The following BLK variants were observed in gnomAD, a reference collection of about 807,000 sequenced individuals.
BLK encodes the protein tyrosine-protein kinase Blk.
BLK carries 64 observed loss-of-function variants against 61.8 expected under a neutral mutation model. The ratio of observed to expected loss-of-function variants is 1.03; its 90% CI spans 0.85 to 1.27. The LOEUF (loss-of-function observed/expected upper bound fraction) is 1.27. BLK is among the 50% of genes most tolerant of loss of function. The pLI is 0.00. For missense variants in BLK, 853 were observed against 660.5 expected, an observed-to-expected ratio of 1.29 and a Z score of -3.19; for synonymous variants, 351 against 272.0, an observed-to-expected ratio of 1.29 and a Z score of -2.86.
At chr8:11,530,352 C>T (rs7814834) in intron 1 of BLK, among the ~76,000 whole-genome samples, 79,369 of 152,038 alleles carry the variant, frequency 0.52, 21,198 homozygotes, top group East Asian at 0.74. Context: ...TGCCACAGGT[C>T]GGGAATCCTG....
Position 11,561,306 on chromosome 8 carries a change from C to G in BLK, c.1034C>G (p.Ala345Gly). ...PRLIDMSAQIAEGMAYIERMN... is the reference protein window; with the variant it reads ...PRLIDMSAQIGEGMAYIERMN... ...ACCATGTGCCTGTTCCCTCAGATTG[C>G]TGAAGGGATGGCATACATTGAGCGC... Residue 345 changes from alanine to glycine, a missense_variant, in exon 11 of 13, where the codon GCT (alanine) becomes GGT (glycine). Coordinates refer to ENST00000259089, the MANE Select transcript of BLK (RefSeq NM_001715.3). 2 of 1,613,276 alleles carry G rather than the reference C, an allele frequency of 1.2e-6. No individual in the cohort carries two copies. The highest frequency in any genetic ancestry group is 1.7e-6 in the Non-Finnish European group (2 of 1,179,604).
chr8:11,496,371 C>T (rs1360298637), intron 1 of BLK, among the ~76,000 whole-genome samples: 1 of 152,160 alleles, frequency 6.6e-6, no homozygotes, highest in Non-Finnish European at 1.5e-5. Context: ...TCCTGAGTAG[C>T]TGGGACCACA....
rs146326118 is a variant in BLK at position 11,504,097 on chromosome 8, G to T, written c.-2+9506G>T. Among the ~76,000 whole-genome samples the T allele has an allele frequency of 6.5e-4, 99 of 152,276 alleles. 1 individual carries two copies. The East Asian group carries it at 0.014, about 21-fold the overall frequency. On this transcript the variant is annotated intron_variant, in intron 1 of 12. Coordinates refer to ENST00000259089, the MANE Select transcript of BLK (RefSeq NM_001715.3). ...TCAGTACTTTGGGAGGCCGAGGCAGGCGGATCACTTGAGGTCAGGAGTTTG... is the reference window on the plus strand; with the variant it reads ...TCAGTACTTTGGGAGGCCGAGGCAGTCGGATCACTTGAGGTCAGGAGTTTG...
intron 1 of BLK, among the ~76,000 whole-genome samples, chr8:11,514,939 T>G (rs1799164196): frequency 6.6e-6 from 1 of 151,992 alleles, no homozygotes; most frequent in South Asian, 2.1e-4. Flanking sequence ...CTCAGCCCCC[T>G]CCCCTTCCTG....
chr8:11,555,019 A>C (rs1801131335), intron 7 of BLK, 130 bp downstream of exon 7: 3 of 1,402,234 alleles, frequency 2.1e-6, no homozygotes, highest in South Asian at 1.3e-5. Context: ...AGTTAGGCCT[A>C]AGGAGGTAGC....
Position 11,562,962 on chromosome 8 carries a change from C to A in BLK, c.1181-17C>A. 6.2e-7 allele frequency: 1 copy of A among 1,613,946 alleles called. No individual in the cohort carries two copies. Reference sequence around the variant, plus strand: ...ACCGGCCGTGGCCTCCCAAAGCTTGCATGGCTTTTCCCACAGGGGCCAAGT... The same window carrying A: ...ACCGGCCGTGGCCTCCCAAAGCTTGAATGGCTTTTCCCACAGGGGCCAAGT... On this transcript the variant is annotated splice_polypyrimidine_tract_variant and intron_variant, in intron 11 of 12. Transcript: ENST00000259089.
chr8:11,561,179 A>G (rs1044884558), intron 10 of BLK, 123 bp from the exon 11 acceptor site: 1 of 1,360,276 alleles, frequency 7.4e-7, no homozygotes, highest in Non-Finnish European at 1.0e-6. Flanking sequence ...TCACCTTTCT[A>G]CTCCATCCAA....
intron 9 of BLK, among the ~76,000 whole-genome samples, chr8:11,557,264 G>A (rs1341588022): frequency 1.3e-5 from 2 of 152,170 alleles, no homozygotes; most frequent in Non-Finnish European, 2.9e-5. Flanking sequence ...AGAGAGGTTG[G>A]GCTTGATGGC....
chr8:11,512,744 A>G (rs1018592027), intron 1 of BLK, among the ~76,000 whole-genome samples: 1 of 151,600 alleles, frequency 6.6e-6, no homozygotes, highest in African/African-American at 2.4e-5. Context: ...GCTCACCGCA[A>G]CCTCCCCCTC....
Position 11,554,845 on chromosome 8 carries a change from G to C in BLK, c.575G>C (p.Arg192Pro). Residue 192 changes from arginine (R) to proline (P), a missense_variant, in exon 7 of 13, where the codon CGG becomes CCG. By Grantham distance (103) the Arg-to-Pro change is moderately radical. Transcript: ENST00000259089. ...GAAGGGGGCTACTACATCTCCCCCC[G>C]GATCACCTTCCCCTCGCTCCAGGCC... ...LDEGGYYISP[R>P]ITFPSLQALV... 7 of 1,613,862 alleles carry C rather than the reference G, an allele frequency of 4.3e-6. No individual in the cohort carries two copies. The highest frequency in any genetic ancestry group is 5.9e-6 in the Non-Finnish European group (7 of 1,179,962).
At chr8:11,497,886 C>G (rs1798414651) in intron 1 of BLK, among the ~76,000 whole-genome samples, 1 of 152,194 alleles carries the variant, frequency 6.6e-6, no homozygotes, top group Non-Finnish European at 1.5e-5. Flanking sequence ...CCAGGTCAGT[C>G]TGGCTCTGCA....
chr8:11,522,936 A>G (rs1464301276), intron 1 of BLK, among the ~76,000 whole-genome samples: 1 of 152,210 alleles, frequency 6.6e-6, no homozygotes, highest in East Asian at 1.9e-4. Context: ...GAAAATAATG[A>G]CCAATCTTTA....
intron 6 of BLK, chr8:11,553,553 C>T (rs759297585): frequency 3.2e-5 from 7 of 217,410 alleles, no homozygotes; most frequent in Non-Finnish European, 6.6e-5. Flanking sequence ...CTGGGCTCAT[C>T]GCCCGAGGCA....
At chr8:11,551,025 C>G (rs138264421) in intron 6 of BLK, among the ~76,000 whole-genome samples, 57 of 152,274 alleles carry the variant, frequency 3.7e-4, no homozygotes, top group Non-Finnish European at 6.6e-4. Context: ...AACCCCCACC[C>G]TCAAGAGCTA....
chr8:11,506,158 T>C (rs1060701), intron 1 of BLK, among the ~76,000 whole-genome samples: 5 of 152,024 alleles, frequency 3.3e-5, no homozygotes, highest in African/African-American at 1.2e-4. Context: ...CGCAGAAGGT[T>C]ACCAGCCTGG....
chr8:11,528,136 AGGTGATC>A (rs1799742683), intron 1 of BLK, among the ~76,000 whole-genome samples: 1 of 152,174 alleles, frequency 6.6e-6, no homozygotes, highest in Non-Finnish European at 1.5e-5. Flanking sequence ...TCCCAGGCTC[AGGTGATC>A]CTCCCACCTC....
chr8:11,506,590 TG>T (rs1563422779), intron 1 of BLK, among the ~76,000 whole-genome samples: 1 of 152,194 alleles, frequency 6.6e-6, no homozygotes, highest in African/African-American at 2.4e-5. Flanking sequence ...ACATCTCTGT[TG>T]GGGAGAGGAA....
chr8:11,539,595 C>G (rs1297301899), intron 1 of BLK, among the ~76,000 whole-genome samples: 1 of 152,090 alleles, frequency 6.6e-6, no homozygotes, highest in Non-Finnish European at 1.5e-5. Flanking sequence ...TTTATTTTAA[C>G]AGAATTTAAA....
At position 11,563,115 on chromosome 8, in the gene BLK, G is replaced by A. The variant is rs772704793; in HGVS notation, c.1312+5G>A. 4.3e-6 allele frequency: 7 copies of A among 1,613,704 alleles called. No individual in the cohort carries two copies. Among genetic ancestry groups the A allele is most frequent in the Non-Finnish European group, 5.9e-6 (7 of 1,180,026 alleles). ...ATGGGCGGGTGCCATACCCAGGTAG[G>A]TGGCTCACCCCGCAGCTCGCGGCTC... is the stretch of plus-strand genomic sequence containing the variant. On this transcript the variant is annotated splice_donor_5th_base_variant and intron_variant, in intron 12 of 12. Transcript: ENST00000259089.
Sources: gnomAD v4.1 joint callset for allele counts (sites outside exome capture counted in the v4.1 genomes callset) on GRCh38, gnomAD v4.1.1 for gene constraint, MANE v1.5 for transcripts, NCBI Gene and HGNC (gene_info 2026-07-23, HGNC 2026-07-21) for gene names.